The following LRRC45 variants were observed in gnomAD, a reference collection of about 807,000 sequenced individuals.
LRRC45 encodes the protein leucine-rich repeat-containing protein 45.
A neutral mutation model predicts 85.4 loss-of-function variants in LRRC45; 73 were observed. The ratio of observed to expected loss-of-function variants is 0.85; its 90% confidence interval spans 0.71 to 1.04. The LOEUF (loss-of-function observed/expected upper bound fraction) is 1.04. Ranked by LOEUF, LRRC45 falls within the 50% of genes least tolerant of loss-of-function variation. The pLI is 0.00. For synonymous variants in LRRC45, 429 were observed against 386.0 expected (o/e 1.11, Z -1.31); for missense variants, 937 against 883.3 (o/e 1.06, Z -0.77).
chr17:82,030,303 C>T lies in LRRC45; in HGVS notation c.1669-16C>T. The T allele has an allele frequency of 6.5e-7, 1 of 1,547,104 alleles. No homozygotes were observed. Among genetic ancestry groups the T allele is most frequent in the Non-Finnish European group, 8.7e-7 (1 of 1,144,782 alleles). ...CCCCAACCCTCGCCTCACTCCCCAGCCTTCGTGCCTGGCAGGAGCTGAGCC... is the reference window on the plus strand; with the variant it reads ...CCCCAACCCTCGCCTCACTCCCCAGTCTTCGTGCCTGGCAGGAGCTGAGCC... On this transcript the variant is annotated splice_polypyrimidine_tract_variant and intron_variant, in intron 15 of 16. Transcript: ENST00000306688.
rs1015009802 is a variant in LRRC45, at chr17:82,023,392, C to T, written c.-252C>T. 5 of 498,454 alleles carry T rather than the reference C, an allele frequency of 1.0e-5. No homozygotes were observed. Among genetic ancestry groups the T allele is most frequent in the Non-Finnish European group, 1.8e-5 (5 of 284,156 alleles). 30.9% of individuals were successfully genotyped at this position (498,454 alleles called of 1,614,324 possible). A position where few individuals can be genotyped will look rare whatever the true frequency, so the allele number is the denominator to read the frequency against. ...CGGGGCAGGGCTGGGTGGGGGCGCG[C>T]GACGCACCTGCCTGCTTCCTGCACG... is the stretch of plus-strand genomic sequence containing the variant. On this transcript the variant is annotated 5_prime_UTR_variant, in exon 1 of 17. Coordinates refer to ENST00000306688, the MANE Select transcript of LRRC45 (RefSeq NM_144999.4).
Position 82,028,044 on chromosome 17 carries a change from G to C in LRRC45, c.945G>C (p.Ser315=), listed in dbSNP as rs147028558. The C allele has an allele frequency of 6.2e-7, 1 of 1,606,386 alleles. No individual in the cohort carries two copies. Among genetic ancestry groups the C allele is most frequent in the East Asian group, 2.2e-5 (1 of 44,644 alleles). The change falls in exon 9 of 17, where the codon TCG becomes TCC. Residue 315 remains serine, a synonymous_variant. Transcript: ENST00000306688. ...TGACAGAGGCCGCCCTGGCTCTGTC[G>C]GAGCAGAAGGCCCAGGACCTGGGGG... is the stretch of plus-strand genomic sequence containing the variant. ...LQMTEAALAL[S]EQKAQDLGEL...
rs1018156117 is a variant in LRRC45, at chr17:82,023,592, C to G, written c.-52C>G. The G allele has an allele frequency of 8.9e-6, 13 of 1,456,528 alleles. No homozygotes were observed. The African/African-American group carries it at 1.7e-4, about 19-fold the overall frequency. 90.2% of individuals were successfully genotyped at this position (1,456,528 alleles called of 1,614,324 possible). A position where few individuals can be genotyped will look rare whatever the true frequency, so the allele number is the denominator to read the frequency against. The stretch of plus-strand genomic sequence containing the variant: ...GGACTGCTCCGCACCGCGCGGCTCC[C>G]TTTCAGCAGCTGCGGGAGCATGCGG... On this transcript the variant is annotated 5_prime_UTR_variant, in exon 1 of 17. Coordinates refer to ENST00000306688, the MANE Select transcript of LRRC45 (RefSeq NM_144999.4).
chr17:82,024,886 G>C, intron 3 of LRRC45, 114 bp from the exon 4 acceptor site: 2 of 1,438,678 alleles, frequency 1.4e-6, no homozygotes, highest in Non-Finnish European at 1.8e-6. Flanking sequence ...ACGTTGGCAG[G>C]GGTAGGCAGA....
Position 82,025,169 on chromosome 17 carries a change from C to G in LRRC45, c.523C>G (p.Gln175Glu). 1 of 1,596,516 alleles carries G rather than the reference C, an allele frequency of 6.3e-7. No homozygotes were observed. Among genetic ancestry groups the G allele is most frequent in the Non-Finnish European group, 8.5e-7 (1 of 1,170,264 alleles). ...ALALKGNTTL[Q>E]QLDLRWNNVG... The stretch of plus-strand genomic sequence containing the variant: ...AGCCCTGAAGGGCAACACCACCCTC[C>G]AGCAGCTGGGTGAGGCCTCCCAGGC... Residue 175 changes from glutamine (Q) to glutamate (E), a missense_variant, in exon 4 of 17, where the codon CAG becomes GAG. Coordinates refer to ENST00000306688, the MANE Select transcript of LRRC45 (RefSeq NM_144999.4).
chr17:82,026,132 G>A (rs948015110), intron 5 of LRRC45, among the ~76,000 whole-genome samples: 2 of 152,138 alleles, frequency 1.3e-5, no homozygotes, highest in Non-Finnish European at 2.9e-5. Flanking sequence ...CTCCAGCTGC[G>A]CCGTCCCTGG....
intron 5 of LRRC45, 195 bp from the exon 6 acceptor site, chr17:82,026,704 G>A (rs552696710): frequency 1.8e-4 from 77 of 426,520 alleles, no homozygotes; most frequent in East Asian, 1.3e-3. Context: ...TCAGCCTCCC[G>A]AGTACCTGGG....
At position 82,030,437 on chromosome 17, in the gene LRRC45, A is replaced by C; in HGVS notation, c.1787A>C (p.Lys596Thr). The C allele has an allele frequency of 6.5e-7, 1 of 1,548,000 alleles. No individual in the cohort carries two copies. Among genetic ancestry groups the C allele is most frequent in the East Asian group, 2.4e-5 (1 of 41,020 alleles). The change falls in exon 16 of 17, where the codon AAG becomes ACG. Residue 596 changes from lysine to threonine, a missense_variant. Transcript: ENST00000306688. ...ELAAQEALRE[K>T]AAALERQLKV... The stretch of plus-strand genomic sequence containing the variant: ...GCGGCTCAGGAGGCGCTGAGGGAGA[A>C]GGCGGCGGCCCTGGAGCGCCAGCTG...
In LRRC45 at chr17:82,024,662, G is replaced by A. The variant is rs372517506; in HGVS notation, c.283-31G>A. On this transcript the variant is annotated intron_variant, in intron 2 of 16. Coordinates refer to ENST00000306688, the MANE Select transcript of LRRC45 (RefSeq NM_144999.4). ...GGGAATTCAGAGCCAGTCAGGGCAC[G>A]CGAGTGACTACCGGCCTGTTTCTCT... 2.7e-5 allele frequency: 42 copies of A among 1,561,588 alleles called. No individual in the cohort carries two copies. In the Admixed American group the frequency reaches 3.2e-4, roughly 12 times the overall value.
chr17:82,025,179 G>A lies in LRRC45; in HGVS notation c.532+1G>A. On this transcript the variant is annotated splice_donor_variant, in intron 4 of 16. Coordinates refer to ENST00000306688, the MANE Select transcript of LRRC45 (RefSeq NM_144999.4). LOFTEE classifies it high-confidence loss of function. The stretch of plus-strand genomic sequence containing the variant: ...GGCAACACCACCCTCCAGCAGCTGG[G>A]TGAGGCCTCCCAGGCGCCCTCAGGC... The A allele has an allele frequency of 1.3e-6, 2 of 1,589,978 alleles. No homozygotes were observed. Among genetic ancestry groups the A allele is most frequent in the Non-Finnish European group, 1.7e-6 (2 of 1,166,784 alleles).
intron 12 of LRRC45, 77 bp downstream of exon 12, chr17:82,028,760 T>A: frequency 1.4e-6 from 2 of 1,450,334 alleles, no homozygotes; most frequent in Non-Finnish European, 1.9e-6. Context: ...AGCACACACC[T>A]GGTGGGAGCT....
rs1282430041 is a variant in LRRC45, at chr17:82,031,066, C to A, written c.*261C>A. 3 of 383,816 alleles carry A rather than the reference C, an allele frequency of 7.8e-6. No homozygotes were observed. Among genetic ancestry groups the A allele is most frequent in the Non-Finnish European group, 1.4e-5 (3 of 216,792 alleles). 23.8% of individuals were successfully genotyped at this position (383,816 alleles called of 1,614,324 possible). On this transcript the variant is annotated 3_prime_UTR_variant, in exon 17 of 17. Transcript: ENST00000306688. ...AGGGGTCCCGCGGGCGCGTCTCCCC[C>A]TCGCCTTTTGCGATGTCACCGTGAA...
In LRRC45 at chr17:82,030,761, T is replaced by C; in HGVS notation, c.1969T>C (p.Tyr657His). The C allele has an allele frequency of 6.9e-7, 1 of 1,451,332 alleles. No individual in the cohort carries two copies. The highest frequency in any genetic ancestry group is 9.2e-7 in the Non-Finnish European group (1 of 1,087,440). 89.9% of individuals were successfully genotyped at this position (1,451,332 alleles called of 1,614,324 possible). ...CTTCCTGCAGAACGCCGTCCTGGCT[T>C]ACGTGCAGGCGTCCCCCGTGAGGAC... The part of the protein sequence containing the change: ...ASFLQNAVLA[Y>H]VQASPVRTLS... The change falls in exon 17 of 17, where the codon TAC becomes CAC. Residue 657 changes from tyrosine (Y) to histidine (H), a missense_variant. Transcript: ENST00000306688.
In LRRC45 at chr17:82,028,396, G is replaced by A. The variant is rs750638760; in HGVS notation, c.1126-1G>A. 25 of 1,612,376 alleles carry A rather than the reference G, an allele frequency of 1.6e-5. No homozygotes were observed. Among genetic ancestry groups the A allele is most frequent in the Non-Finnish European group, 2.0e-5 (24 of 1,179,912 alleles). On this transcript the variant is annotated splice_acceptor_variant, in intron 10 of 16. Coordinates refer to ENST00000306688, the MANE Select transcript of LRRC45 (RefSeq NM_144999.4). LOFTEE classifies it high-confidence loss of function. ...CTTCCCTCCCTGGTGCCGGCTTTCA[G>A]GTAGACGAGTTGGAGCGGAAGTTCA...
At chr17:82,028,849 G>C in intron 12 of LRRC45, 166 bp downstream of exon 12, 1 of 832,916 alleles carries the variant, frequency 1.2e-6, no homozygotes, top group Non-Finnish European at 1.9e-6. Flanking sequence ...CTCCTATTGG[G>C]GGCGGCGGGG....
In LRRC45 at chr17:82,030,161, G is replaced by T. The variant is rs1173007644; in HGVS notation, c.1591G>T (p.Ala531Ser). The T allele has an allele frequency of 1.5e-5, 23 of 1,546,880 alleles. No homozygotes were observed. The highest frequency in any genetic ancestry group is 2.0e-5 in the Non-Finnish European group (23 of 1,145,888). Residue 531 changes from alanine (A) to serine (S), a missense_variant, in exon 15 of 17, where the codon GCC becomes TCC. By Grantham distance (99) the Ala-to-Ser change is moderately conservative. Transcript: ENST00000306688. Reference sequence around the variant, plus strand: ...TTGCCTACAGCAGAAGCAGGTGGTGGCCGAGGCCCAGACCCGGGTCAGCCA... The same window carrying T: ...TTGCCTACAGCAGAAGCAGGTGGTGTCCGAGGCCCAGACCCGGGTCAGCCA... Reference protein sequence around the residue: ...GACLQQKQVVAEAQTRVSQLG... With the variant: ...GACLQQKQVVSEAQTRVSQLG...
At position 82,028,135 on chromosome 17, in the gene LRRC45, C is replaced by T. The variant is rs372185907; in HGVS notation, c.1036C>T (p.Leu346=). ...ACAGAGGCAGGCCAAGGAGCTCAAG[C>T]TGGAGCAGCAGGTGGGTGGGCAGGG... The part of the protein sequence containing the change: ...LSQRQAKELK[L]EQQEAAERES... The change falls in exon 9 of 17, where the codon CTG becomes TTG. Residue 346 remains leucine (L), a synonymous_variant. Transcript: ENST00000306688. 106 of 1,567,776 alleles carry T rather than the reference C, an allele frequency of 6.8e-5. No individual in the cohort carries two copies. Among genetic ancestry groups the T allele is most frequent in the Non-Finnish European group, 8.6e-5 (99 of 1,157,160 alleles).
chr17:82,030,261 G>A lies in LRRC45; in HGVS notation c.1668+23G>A, dbSNP rs1217027965. On this transcript the variant is annotated intron_variant, in intron 15 of 16. Transcript: ENST00000306688. ...CAGGTAGGCGGGGCTCCGGTGGGGG[G>A]CCCCGGGCGTGCTAGCCCCCAACCC... is the stretch of plus-strand genomic sequence containing the variant. The A allele has an allele frequency of 7.2e-6, 11 of 1,534,726 alleles. No individual in the cohort carries two copies. In the Admixed American group the frequency reaches 1.0e-4, roughly 14 times the overall value.
Position 82,027,091 on chromosome 17 carries a change from G to A in LRRC45, c.774+80G>A, listed in dbSNP as rs4969468. 0.044 allele frequency: 55,037 copies of A among 1,249,094 alleles called. 1,899 individuals are homozygous for A. Among genetic ancestry groups the A allele is most frequent in the South Asian group, 0.14 (11,075 of 77,978 alleles). 77.4% of individuals were successfully genotyped at this position (1,249,094 alleles called of 1,614,324 possible). A position where few individuals can be genotyped will look rare whatever the true frequency, so the allele number is the denominator to read the frequency against. On this transcript the variant is annotated intron_variant, in intron 6 of 16. Coordinates refer to ENST00000306688, the MANE Select transcript of LRRC45 (RefSeq NM_144999.4). ...CACGTCCTTCCTCCCTCAGCCCCGTGGTCTGCCCATCTTCCCTTCCTCGGG... is the reference window on the plus strand; with the variant it reads ...CACGTCCTTCCTCCCTCAGCCCCGTAGTCTGCCCATCTTCCCTTCCTCGGG...
Sources: allele counts gnomAD v4.1 joint callset (sites outside exome capture counted in the v4.1 genomes callset), GRCh38; gene constraint gnomAD v4.1.1; transcripts MANE v1.5; gene names NCBI Gene and HGNC (gene_info 2026-07-23, HGNC 2026-07-21).